Variants in DENND2B observed in about 807,000 individuals in gnomAD.
The protein encoded by DENND2B is DENN domain containing 2B.
A neutral mutation model predicts 116.0 loss-of-function variants in DENND2B; 32 were observed. The observed-to-expected ratio is 0.28, with a 90% CI of 0.21 to 0.37. The LOEUF (loss-of-function observed/expected upper bound fraction) is 0.37. Among genes scored for constraint, DENND2B ranks in the 10% least tolerant of loss-of-function variants. DENND2B has a pLI of 1.00. For missense variants in DENND2B, 1,276 were observed against 1,477.7 expected (o/e 0.86, Z 2.24); for synonymous variants, 588 against 583.9 (o/e 1.01, Z -0.10).
At chr11:8,866,811 A>G (rs1723473583) in intron 2 of DENND2B, among the ~76,000 whole-genome samples, 1 of 152,212 alleles carries the variant, frequency 6.6e-6, no homozygotes, top group Admixed American at 6.5e-5. Context: ...CACATTCCTC[A>G]GAGGTCCAAA....
At chr11:8,860,394 C>G (rs934629114) in intron 2 of DENND2B, among the ~76,000 whole-genome samples, 2 of 151,830 alleles carry the variant, frequency 1.3e-5, no homozygotes, top group Admixed American at 1.3e-4. Context: ...CTGCTATATA[C>G]CAACAACCAC....
rs146752028 is a variant in DENND2B at position 8,771,566 on chromosome 11, A to AGAGAGAGAGAGAGGGC, written c.-25-20842_-25-20841insGCCCTCTCTCTCTCTC. On this transcript the variant is annotated intron_variant, in intron 1 of 19. Coordinates refer to ENST00000313726, the MANE Select transcript of DENND2B (RefSeq NM_213618.2). ...GAGAGAGAGAGAGAGAGAGAGAGAGAGCCTTCTTCCCAGTTCTGGGCACAG... is the reference window on the plus strand; with the variant it reads ...GAGAGAGAGAGAGAGAGAGAGAGAGAGAGAGAGAGAGAGGGCGCCTTCTTCCCAGTTCTGGGCACAG... 1.3e-4 allele frequency: 16 copies of AGAGAGAGAGAGAGGGC among 120,380 alleles called. 1 individual carries two copies. The highest frequency in any genetic ancestry group is 8.7e-3 in the Middle Eastern group (2 of 230). 7.5% of individuals were successfully genotyped at this position (120,380 alleles called of 1,614,324 possible).
intron 2 of DENND2B, among the ~76,000 whole-genome samples, chr11:8,863,017 A>G (rs2063450017): frequency 6.6e-6 from 1 of 152,022 alleles, no homozygotes; most frequent in South Asian, 2.1e-4. Flanking sequence ...GCTAATTCTG[A>G]TCACTGAGCT....
chr11:8,699,501 C>A (rs2041100632), intron 14 of DENND2B, 111 bp from the exon 15 acceptor site: 2 of 1,121,618 alleles, frequency 1.8e-6, no homozygotes, highest in East Asian at 2.6e-5. Flanking sequence ...AACAAAAATG[C>A]TAATGGGGTT....
intron 4 of DENND2B, among the ~76,000 whole-genome samples, chr11:8,828,434 A>T (rs2062062608): frequency 6.6e-6 from 1 of 152,114 alleles, no homozygotes; most frequent in Non-Finnish European, 1.5e-5. Flanking sequence ...GCTCCAATGC[A>T]GCTGTATCTG....
At chr11:8,724,071 G>A (rs956976454) in intron 4 of DENND2B, among the ~76,000 whole-genome samples, 4 of 152,146 alleles carry the variant, frequency 2.6e-5, no homozygotes, top group East Asian at 1.9e-4. Flanking sequence ...CGAGGCAGGC[G>A]GATCATGAAG....
At chr11:8,754,973 A>G (rs1404033272) in intron 1 of DENND2B, among the ~76,000 whole-genome samples, 2 of 152,270 alleles carry the variant, frequency 1.3e-5, no homozygotes, top group African/African-American at 4.8e-5. Context: ...TCTTGTGAAT[A>G]TATTAGAAAT....
chr11:8,707,402 T>C lies in DENND2B; in HGVS notation c.2431-177A>G. ...CCTTCCCGTTTTCCTTGGCACTCAGTGACTCCTCTGTTCCCTAACTGGCCT... is the reference window on the plus strand; with the variant it reads ...CCTTCCCGTTTTCCTTGGCACTCAGCGACTCCTCTGTTCCCTAACTGGCCT... On this transcript the variant is annotated intron_variant, in intron 12 of 19. Coordinates refer to ENST00000313726, the MANE Select transcript of DENND2B (RefSeq NM_213618.2). The surrounding 1 kb of genome is among the most constrained non-coding windows in gnomAD (Gnocchi z 4.8). 1 of 816,620 alleles carries C rather than the reference T, an allele frequency of 1.2e-6. No individual in the cohort carries two copies. The highest frequency in any genetic ancestry group is 1.9e-6 in the Non-Finnish European group (1 of 540,476). 50.6% of individuals were successfully genotyped at this position (816,620 alleles called of 1,614,324 possible).
intron 3 of DENND2B, among the ~76,000 whole-genome samples, chr11:8,853,037 C>T (rs918249423): frequency 2.0e-5 from 3 of 152,152 alleles, no homozygotes; most frequent in Non-Finnish European, 2.9e-5. Context: ...ATCACCAGGG[C>T]TCTGTCCTCA....
chr11:8,855,253 G>A (rs576753604), intron 3 of DENND2B, among the ~76,000 whole-genome samples: 19 of 151,922 alleles, frequency 1.3e-4, no homozygotes. Context: ...CCTCAAACGT[G>A]TAGTGTACAA....
chr11:8,873,021 C>T (rs1344486246), upstream of DENND2B, among the ~76,000 whole-genome samples: 4 of 152,176 alleles, frequency 2.6e-5, no homozygotes, highest in East Asian at 7.7e-4. Flanking sequence ...GATGGTTCTG[C>T]CCCAAACGTG....
At chr11:8,850,216 CTG>C (rs1353115341) in intron 3 of DENND2B, among the ~76,000 whole-genome samples, 2 of 151,982 alleles carry the variant, frequency 1.3e-5, no homozygotes, top group African/African-American at 4.8e-5. Flanking sequence ...AAAAGACAAA[CTG>C]TGAAAAACAT....
intron 1 of DENND2B, among the ~76,000 whole-genome samples, chr11:8,801,272 C>G (rs1238871886): frequency 2.6e-5 from 4 of 152,098 alleles, no homozygotes. Context: ...TATATGCTGA[C>G]TGGGGGACGC....
intron 2 of DENND2B, among the ~76,000 whole-genome samples, chr11:8,870,378 G>C (rs1326728084): frequency 6.6e-6 from 1 of 152,202 alleles, no homozygotes; most frequent in African/African-American, 2.4e-5. Flanking sequence ...TTAATACTTA[G>C]TGCGTGTCTG....
chr11:8,863,654 T>C (rs895176165), intron 2 of DENND2B, among the ~76,000 whole-genome samples: 2 of 152,128 alleles, frequency 1.3e-5, no homozygotes, highest in Non-Finnish European at 1.5e-5. Flanking sequence ...ACAACTGATA[T>C]TGCTGATTAA....
intron 1 of DENND2B, among the ~76,000 whole-genome samples, chr11:8,770,884 A>T (rs2056737139): frequency 6.6e-6 from 1 of 151,934 alleles, no homozygotes; most frequent in African/African-American, 2.4e-5. Context: ...ACGACTCCAT[A>T]CTTGTGTGCA....
At chr11:8,700,213 T>C (rs977687282) in intron 14 of DENND2B, among the ~76,000 whole-genome samples, 1 of 152,174 alleles carries the variant, frequency 6.6e-6, no homozygotes, top group African/African-American at 2.4e-5. Flanking sequence ...AGGGGCTTTG[T>C]TGGCTGACAA....
chr11:8,758,291 T>G (rs2053957113), intron 1 of DENND2B, among the ~76,000 whole-genome samples: 1 of 152,114 alleles, frequency 6.6e-6, no homozygotes, highest in Non-Finnish European at 1.5e-5. Context: ...CCCCATCCCA[T>G]TAGCTTCTTC....
chr11:8,850,927 A>C (rs1791402198), intron 3 of DENND2B, among the ~76,000 whole-genome samples: 1 of 152,234 alleles, frequency 6.6e-6, no homozygotes. Context: ...AGCCAGGCAC[A>C]GAAAGAGAAA....
Sources: gnomAD v4.1 joint callset for allele counts (sites outside exome capture counted in the v4.1 genomes callset) on GRCh38, gnomAD v4.1.1 for gene constraint, Gnocchi (gnomAD v3.1) non-coding constraint, MANE v1.5 for transcripts, NCBI Gene and HGNC (gene_info 2026-07-23, HGNC 2026-07-21) for gene names.